Variants in CLEC3B observed in about 807,000 individuals in gnomAD.
CLEC3B encodes the protein C-type lectin domain family 3 member B, also known as tetranectin.
CLEC3B carries 13 observed loss-of-function variants against 15.4 expected under a neutral mutation model. That is an observed-to-expected ratio of 0.84 (90% CI 0.55 to 1.34). The LOEUF (loss-of-function observed/expected upper bound fraction) is 1.34, where lower values mean the gene tolerates loss of function less well. Ranked by LOEUF, CLEC3B falls within the 40% of genes most tolerant of loss-of-function variation. CLEC3B has a pLI of 0.00. For missense variants in CLEC3B, 242 were observed against 268.6 expected (o/e 0.90, Z 0.69); for synonymous variants, 112 against 114.7 (o/e 0.98, Z 0.15).
At chr3:45,032,329 G>C (rs1697570653) in intron 2 of CLEC3B, among the ~76,000 whole-genome samples, 1 of 152,102 alleles carries the variant, frequency 6.6e-6, no homozygotes, top group South Asian at 2.1e-4. Context: ...CAGGGCCTTT[G>C]CATGTGCTGT....
At position 45,029,378 on chromosome 3, in the gene CLEC3B, A is replaced by C. The variant is rs553805543; in HGVS notation, c.110-1449A>C. Among the ~76,000 whole-genome samples the C allele has an allele frequency of 3.0e-4, 46 of 152,340 alleles. 1 individual carries two copies. The East Asian group carries it at 8.5e-3, about 28-fold the overall frequency. On this transcript the variant is annotated intron_variant, in intron 1 of 2. Coordinates refer to ENST00000296130, the MANE Select transcript of CLEC3B (RefSeq NM_003278.3). The stretch of plus-strand genomic sequence containing the variant: ...ATGCCCTTCTTCAGTGCCCCCTTGC[A>C]CAGCCTCACATGGCACCCTATGCTG...
intron 1 of CLEC3B, among the ~76,000 whole-genome samples, chr3:45,027,234 G>A (rs985859570): frequency 9.8e-5 from 15 of 152,310 alleles, no homozygotes; most frequent in African/African-American, 3.6e-4. Context: ...AGGGGATGAG[G>A]GTGGGGACTG....
chr3:45,035,330 C>T (rs1697622189), intron 2 of CLEC3B, among the ~76,000 whole-genome samples, 194 bp from the exon 3 acceptor site: 1 of 152,138 alleles, frequency 6.6e-6, no homozygotes, highest in African/African-American at 2.4e-5. Flanking sequence ...TGGATCTGTA[C>T]ATTAGTGGCC....
intron 2 of CLEC3B, 65 bp downstream of exon 2, chr3:45,030,990 G>C: frequency 8.7e-7 from 1 of 1,148,332 alleles, no homozygotes; most frequent in South Asian, 1.4e-5. Context: ...CCAGCAGCCA[G>C]CAATGCTCTT....
chr3:45,035,430 TG>T, intron 2 of CLEC3B, 93 bp from the exon 3 acceptor site: 1 of 1,489,012 alleles, frequency 6.7e-7, no homozygotes. Flanking sequence ...ATAAACGGGA[TG>T]GGATGGAGGA....
At chr3:45,035,489 G>T in intron 2 of CLEC3B, 35 bp from the exon 3 acceptor site, 2 of 1,560,520 alleles carry the variant, frequency 1.3e-6, no homozygotes, top group South Asian at 1.2e-5. Context: ...GGAACAGGGG[G>T]ACCTTCGGTG....
chr3:45,033,433 G>A (rs186663034), intron 2 of CLEC3B, among the ~76,000 whole-genome samples: 85 of 152,240 alleles, frequency 5.6e-4, no homozygotes, highest in Non-Finnish European at 1.0e-3. Flanking sequence ...GCATTGCAGA[G>A]CTCTGTTGAC....
At chr3:45,027,467 C>T (rs910789966) in intron 1 of CLEC3B, among the ~76,000 whole-genome samples, 7 of 152,192 alleles carry the variant, frequency 4.6e-5, no homozygotes, top group Admixed American at 3.9e-4. Flanking sequence ...CTTCAAGATT[C>T]AGTTTACAAA....
chr3:45,031,840 C>CCACT (rs1392851422), intron 2 of CLEC3B, among the ~76,000 whole-genome samples: 1 of 133,246 alleles, frequency 7.5e-6, no homozygotes, highest in African/African-American at 2.8e-5. Flanking sequence ...ACATGTGAGC[C>CCACT]CACTACATTC....
chr3:45,032,072 C>T (rs1418633792), intron 2 of CLEC3B, among the ~76,000 whole-genome samples: 1 of 151,880 alleles, frequency 6.6e-6, no homozygotes, highest in African/African-American at 2.4e-5. Flanking sequence ...TGCTATGCTG[C>T]CCCTCGAGTT....
intron 2 of CLEC3B, among the ~76,000 whole-genome samples, chr3:45,031,277 C>T (rs3765173): frequency 0.43 from 65,963 of 152,084 alleles, 14,944 homozygotes; most frequent in East Asian, 0.84. Context: ...GTGGCCCACC[C>T]TAGCAAAGCT....
At position 45,026,327 on chromosome 3, in the gene CLEC3B, G is replaced by A. The variant is rs1394763498; in HGVS notation, c.-36G>A. The A allele has an allele frequency of 1.5e-5, 23 of 1,578,848 alleles. No homozygotes were observed. Among genetic ancestry groups the A allele is most frequent in the East Asian group, 2.3e-5 (1 of 44,408 alleles). On this transcript the variant is annotated 5_prime_UTR_variant, in exon 1 of 3. Transcript: ENST00000296130. ...TGTCACTGCGTTCGGACCCAGACCC[G>A]CTGCAGGCAGCAGCAGCCCCCGCCC...
intron 2 of CLEC3B, among the ~76,000 whole-genome samples, chr3:45,032,241 C>T (rs546353242): frequency 3.0e-4 from 45 of 152,272 alleles, no homozygotes; most frequent in Admixed American, 9.8e-4. Flanking sequence ...GCCTTCTCAC[C>T]GGATGGTTTT....
chr3:45,035,158 C>T (rs1697619608), intron 2 of CLEC3B, among the ~76,000 whole-genome samples: 1 of 152,154 alleles, frequency 6.6e-6, no homozygotes, highest in Non-Finnish European at 1.5e-5. Context: ...GTGCAGGCAC[C>T]AGGCCAGCCT....
chr3:45,026,331 C>T lies in CLEC3B; in HGVS notation c.-32C>T, dbSNP rs1697482260. 1 of 1,587,128 alleles carries T rather than the reference C, an allele frequency of 6.3e-7. No homozygotes were observed. The highest frequency in any genetic ancestry group is 1.1e-5 in the South Asian group (1 of 89,804). ...ACTGCGTTCGGACCCAGACCCGCTG[C>T]AGGCAGCAGCAGCCCCCGCCCGCGC... is the stretch of plus-strand genomic sequence containing the variant. On this transcript the variant is annotated 5_prime_UTR_variant, in exon 1 of 3. Coordinates refer to ENST00000296130, the MANE Select transcript of CLEC3B (RefSeq NM_003278.3).
In CLEC3B at chr3:45,035,825, C is replaced by A. The variant is rs199802863; in HGVS notation, c.510C>A (p.Thr170=). Residue 170 remains threonine, a synonymous_variant, in exon 3 of 3, where the codon ACC becomes ACA. Transcript: ENST00000296130. ...EITAQPDGGK[T]ENCAVLSGAA... ...CCGCGCAACCCGATGGCGGCAAGAC[C>A]GAGAACTGCGCGGTCCTGTCAGGCG... 90 of 1,613,290 alleles carry A rather than the reference C, an allele frequency of 5.6e-5. No homozygotes were observed. In the African/African-American group the frequency reaches 1.0e-3, roughly 18 times the overall value.
intron 2 of CLEC3B, among the ~76,000 whole-genome samples, chr3:45,031,658 G>T (rs9872295): frequency 0.47 from 72,121 of 152,028 alleles, 17,769 homozygotes; most frequent in East Asian, 0.85. Flanking sequence ...GGGCCCAGGC[G>T]CATGGTAAGG....
chr3:45,035,162 C>T (rs1576047136), intron 2 of CLEC3B, among the ~76,000 whole-genome samples: 1 of 152,198 alleles, frequency 6.6e-6, no homozygotes, highest in East Asian at 1.9e-4. Flanking sequence ...AGGCACCAGG[C>T]CAGCCTCTGT....
At chr3:45,033,581 C>T (rs1414379707) in intron 2 of CLEC3B, among the ~76,000 whole-genome samples, 1 of 152,042 alleles carries the variant, frequency 6.6e-6, no homozygotes, top group Non-Finnish European at 1.5e-5. Context: ...TCCCTGGGAA[C>T]CTCAATATAT....
Sources: allele counts gnomAD v4.1 joint callset (sites outside exome capture counted in the v4.1 genomes callset), GRCh38; gene constraint gnomAD v4.1.1; transcripts MANE v1.5; gene names NCBI Gene and HGNC (gene_info 2026-07-23, HGNC 2026-07-21).